MINDY2: variants seen among roughly 807,000 people sequenced by gnomAD.
MINDY2 encodes ubiquitin carboxyl-terminal hydrolase MINDY-2.
MINDY2 carries 52 observed loss-of-function variants against 68.2 expected under a neutral mutation model. The observed-to-expected ratio is 0.76, with a 90% CI of 0.61 to 0.96. The LOEUF is 0.96. Ranked by LOEUF, MINDY2 falls within the 40% of genes least tolerant of loss-of-function variation. The pLI is 0.00. For missense variants in MINDY2, 881 were observed against 773.4 expected (o/e 1.14, Z -1.65); for synonymous variants, 372 against 303.0 (o/e 1.23, Z -2.36).
intron 1 of MINDY2, among the ~76,000 whole-genome samples, chr15:58,772,863 G>A (rs192958246): frequency 6.6e-6 from 1 of 152,210 alleles, no homozygotes; most frequent in Non-Finnish European, 1.5e-5. Flanking sequence ...CTCCTTAAAT[G>A]GTTTGGCATT....
rs776145192 is a variant in MINDY2 at position 58,851,752 on chromosome 15, T to A, written c.1543-19T>A. On this transcript the variant is annotated intron_variant, in intron 7 of 8. Transcript: ENST00000559228. ...GGTAAAATCTCATAGCTAATGATGGTTATAATTTAATTTATTAGGATTATC... is the reference window on the plus strand; with the variant it reads ...GGTAAAATCTCATAGCTAATGATGGATATAATTTAATTTATTAGGATTATC... The A allele has an allele frequency of 3.9e-6, 6 of 1,526,542 alleles. No homozygotes were observed. The highest frequency in any genetic ancestry group is 1.8e-4 in the Middle Eastern group (1 of 5,668). The allele number at this position is 1,526,542 out of a possible 1,614,324, so 94.6% of individuals were successfully genotyped here. A position where few individuals can be genotyped will look rare whatever the true frequency, so the allele number is the denominator to read the frequency against.
chr15:58,808,559 T>TG, intron 3 of MINDY2, among the ~76,000 whole-genome samples: 1 of 152,222 alleles, frequency 6.6e-6, no homozygotes. Context: ...CTATTTTTTT[T>TG]AATTGTGTTA....
At chr15:58,826,047 T>C (rs2141008646) in intron 5 of MINDY2, among the ~76,000 whole-genome samples, 1 of 152,262 alleles carries the variant, frequency 6.6e-6, no homozygotes, top group East Asian at 1.9e-4. Flanking sequence ...TGGCTTATTA[T>C]TATTTTTATT....
At chr15:58,808,933 C>G (rs1391073227) in intron 3 of MINDY2, among the ~76,000 whole-genome samples, 1 of 152,194 alleles carries the variant, frequency 6.6e-6, no homozygotes, top group Non-Finnish European at 1.5e-5. Context: ...TGAAACTTGC[C>G]AGGCATGGTG....
intron 1 of MINDY2, among the ~76,000 whole-genome samples, chr15:58,778,936 A>G (rs1467797921): frequency 2.8e-5 from 4 of 141,122 alleles, no homozygotes; most frequent in Non-Finnish European, 6.0e-5. Context: ...TAATTTTTGT[A>G]TTTTTAGTAG....
chr15:58,832,228 C>CTTT (rs568639158), intron 6 of MINDY2, among the ~76,000 whole-genome samples: 7 of 139,994 alleles, frequency 5.0e-5, no homozygotes, highest in East Asian at 4.2e-4. Flanking sequence ...AGGATGACTT[C>CTTT]TTTTTTTTTT....
chr15:58,861,024 ACAAAACAGTCAG>A lies in MINDY2; in HGVS notation c.*6420_*6431del, dbSNP rs1215124555. On this transcript the variant is annotated 3_prime_UTR_variant, in exon 9 of 9. Transcript: ENST00000559228. ...AACAGGAGATTGGTGTGTGAATGCT[ACAAAACAGTCAG>A]CAAAAGGAATCATGTTTGCTTGTGA... 161 of 152,090 alleles carry A rather than the reference ACAAAACAGTCAG, an allele frequency of 1.1e-3. No individual in the cohort carries two copies. Among genetic ancestry groups the A allele is most frequent in the African/African-American group, 3.7e-3 (152 of 41,456 alleles). 9.4% of individuals were successfully genotyped at this position (152,090 alleles called of 1,614,324 possible).
intron 6 of MINDY2, among the ~76,000 whole-genome samples, chr15:58,846,907 G>A (rs6494041): frequency 0.83 from 126,568 of 152,052 alleles, 54,102 homozygotes; most frequent in Non-Finnish European, 0.93. Flanking sequence ...GACTAGTCAT[G>A]TAGGCTTAAT....
rs1900422699 is a variant in MINDY2 at position 58,771,761 on chromosome 15, G to A, written c.366G>A (p.Glu122=). The change falls in exon 1 of 9, where the codon GAG becomes GAA. Residue 122 remains glutamate, a synonymous_variant. Transcript: ENST00000559228. ...PETAVAGVGH[E]LGTAGDAGAR... ...CAGCCGTGGCCGGAGTGGGTCATGAGTTGGGTACCGCCGGAGACGCGGGAG... is the reference window on the plus strand; with the variant it reads ...CAGCCGTGGCCGGAGTGGGTCATGAATTGGGTACCGCCGGAGACGCGGGAG... 2 of 1,611,374 alleles carry A rather than the reference G, an allele frequency of 1.2e-6. No homozygotes were observed. Among genetic ancestry groups the A allele is most frequent in the Admixed American group, 1.7e-5 (1 of 59,862 alleles).
chr15:58,779,858 G>C (rs1901020787), intron 1 of MINDY2, among the ~76,000 whole-genome samples: 1 of 152,042 alleles, frequency 6.6e-6, no homozygotes, highest in African/African-American at 2.4e-5. Context: ...TCTCCCCTTG[G>C]TATGAGTAGT....
At chr15:58,852,518 C>T (rs887926300) in intron 8 of MINDY2, among the ~76,000 whole-genome samples, 8 of 152,028 alleles carry the variant, frequency 5.3e-5, no homozygotes, top group East Asian at 3.9e-4. Context: ...CCAATTTGGA[C>T]GAAGTCCTTT....
At chr15:58,846,938 A>G (rs1166173362) in intron 6 of MINDY2, among the ~76,000 whole-genome samples, 1 of 152,128 alleles carries the variant, frequency 6.6e-6, no homozygotes, top group African/African-American at 2.4e-5. Context: ...AACAGGCAAC[A>G]TGGTATCATT....
intron 4 of MINDY2, among the ~76,000 whole-genome samples, 177 bp downstream of exon 4, chr15:58,810,565 C>T (rs1235279230): frequency 1.3e-5 from 2 of 152,116 alleles, no homozygotes; most frequent in Non-Finnish European, 2.9e-5. Context: ...CCCAAGGCTT[C>T]TGACCCCAAC....
chr15:58,838,642 G>A (rs1216720861), intron 6 of MINDY2, among the ~76,000 whole-genome samples: 1 of 133,302 alleles, frequency 7.5e-6, no homozygotes, highest in East Asian at 2.7e-4. Flanking sequence ...ACTGGAGTGC[G>A]GTGGCACAAT....
chr15:58,806,083 A>G (rs1296932549), intron 3 of MINDY2, among the ~76,000 whole-genome samples: 4 of 152,212 alleles, frequency 2.6e-5, no homozygotes, highest in Non-Finnish European at 5.9e-5. Flanking sequence ...CAAAAAAACA[A>G]CAAAAGAAAA....
chr15:58,841,664 C>T (rs535864715), intron 6 of MINDY2, among the ~76,000 whole-genome samples: 8 of 152,294 alleles, frequency 5.3e-5, no homozygotes, highest in African/African-American at 1.7e-4. Flanking sequence ...CTCGGCCTCC[C>T]AGAGTGCTGG....
At chr15:58,799,622 G>T (rs1033775487) in intron 2 of MINDY2, among the ~76,000 whole-genome samples, 2 of 150,324 alleles carry the variant, frequency 1.3e-5, no homozygotes, top group Non-Finnish European at 3.0e-5. Flanking sequence ...GATTGTAAGA[G>T]AAACCACTAA....
chr15:58,848,007 G>T (rs2032622127), intron 7 of MINDY2, among the ~76,000 whole-genome samples: 2 of 152,140 alleles, frequency 1.3e-5, no homozygotes, highest in Admixed American at 6.5e-5. Flanking sequence ...AGGTAAGGAG[G>T]AGTAGTAGAC....
At chr15:58,844,919 TAAAAAA>T (rs35379834) in intron 6 of MINDY2, among the ~76,000 whole-genome samples, 2 of 67,856 alleles carry the variant, frequency 2.9e-5, no homozygotes, top group African/African-American at 1.1e-4. Context: ...AGACCCTGCC[TAAAAAA>T]AAAAAAAAAA....
Sources: allele counts gnomAD v4.1 joint callset (sites outside exome capture counted in the v4.1 genomes callset), GRCh38; gene constraint gnomAD v4.1.1; transcripts MANE v1.5; gene names NCBI Gene and HGNC (gene_info 2026-07-23, HGNC 2026-07-21).